The following TPST1 variants were observed in gnomAD, a reference collection of about 807,000 sequenced individuals.
TPST1 encodes tyrosylprotein sulfotransferase 1, also known as protein-tyrosine sulfotransferase 1.
In TPST1, 20 loss-of-function variants were observed where a neutral mutation model predicts 34.8. The observed-to-expected ratio is 0.57, with a 90% CI of 0.40 to 0.84. The LOEUF is 0.84. Ranked by LOEUF, TPST1 falls within the 40% of genes least tolerant of loss-of-function variation. The probability of loss-of-function intolerance (pLI) is 0.00; values close to 1 mark genes in which losing one functional copy is unlikely to be tolerated. For missense variants in TPST1, 353 were observed against 455.5 expected, an observed-to-expected ratio of 0.78 and a Z score of 2.05; for synonymous variants, 152 against 159.4, an observed-to-expected ratio of 0.95 and a Z score of 0.35.
rs898287487 is a variant in TPST1 at position 66,332,099 on chromosome 7, G to A, written c.1045-20406G>A. On this transcript the variant is annotated intron_variant, in intron 3 of 5. Coordinates refer to ENST00000304842, the MANE Select transcript of TPST1 (RefSeq NM_003596.4). This position sits in a 1 kb window ranked among gnomAD's most constrained non-coding sequence, Gnocchi z 4.5. ...AACAGAAATAAAGTGCACAGTAAACGTAATGTGCTTGAATCATCCGGAAAC... is the reference window on the plus strand; with the variant it reads ...AACAGAAATAAAGTGCACAGTAAACATAATGTGCTTGAATCATCCGGAAAC... Among the ~76,000 whole-genome samples the A allele has an allele frequency of 1.3e-5, 2 of 152,074 alleles. No homozygotes were observed. The highest frequency in any genetic ancestry group is 2.9e-5 in the Non-Finnish European group (2 of 68,028).
intron 2 of TPST1, among the ~76,000 whole-genome samples, chr7:66,278,705 C>G (rs1011727556): frequency 1.3e-5 from 2 of 151,806 alleles, no homozygotes; most frequent in Non-Finnish European, 2.9e-5. Flanking sequence ...ATGGCGTGAA[C>G]CTGGGAGGCG....
At chr7:66,259,903 T>C (rs1336659521) in intron 2 of TPST1, among the ~76,000 whole-genome samples, 2 of 152,194 alleles carry the variant, frequency 1.3e-5, no homozygotes, top group Non-Finnish European at 2.9e-5. Context: ...ATCCTCCGTG[T>C]TCCCCCTATT....
At chr7:66,324,199 G>A (rs559900128) in intron 3 of TPST1, among the ~76,000 whole-genome samples, 1 of 152,258 alleles carries the variant, frequency 6.6e-6, no homozygotes, top group African/African-American at 2.4e-5. Flanking sequence ...CATAGAATAG[G>A]TCAATTCATA....
At chr7:66,292,903 A>G (rs1791114599) in intron 3 of TPST1, among the ~76,000 whole-genome samples, 1 of 152,050 alleles carries the variant, frequency 6.6e-6, no homozygotes, top group South Asian at 2.1e-4. Context: ...AATATTTTGA[A>G]TTAGAAAAAT....
intron 3 of TPST1, among the ~76,000 whole-genome samples, chr7:66,344,582 T>C (rs1286350441): frequency 6.6e-6 from 1 of 151,882 alleles, no homozygotes; most frequent in Non-Finnish European, 1.5e-5. Context: ...CTGGCTAATT[T>C]TTGTAATTTT....
chr7:66,269,124 G>A (rs746131108), intron 2 of TPST1, among the ~76,000 whole-genome samples: 16 of 152,136 alleles, frequency 1.1e-4, no homozygotes, highest in Non-Finnish European at 1.5e-5. Context: ...GAGATTAAAC[G>A]GTGATTAAGA....
At chr7:66,246,147 G>A (rs1399616678) in intron 2 of TPST1, among the ~76,000 whole-genome samples, 2 of 149,658 alleles carry the variant, frequency 1.3e-5, no homozygotes, top group African/African-American at 4.9e-5. Flanking sequence ...TTAGTAGCTG[G>A]GATTACAGGT....
Position 66,344,604 on chromosome 7 carries a change from G to A in TPST1, c.1045-7901G>A, listed in dbSNP as rs539947463. ...ATTTTTGTAATTTTAGTGGAGATGG[G>A]GTTTCACCATCTTGGCCAAGCTGGT... is the stretch of plus-strand genomic sequence containing the variant. On this transcript the variant is annotated intron_variant, in intron 3 of 5. Transcript: ENST00000304842. Among the ~76,000 whole-genome samples, 8 of 151,576 alleles carry A rather than the reference G, an allele frequency of 5.3e-5. No individual in the cohort carries two copies. In the South Asian group the frequency reaches 1.5e-3, roughly 28 times the overall value.
rs1244129300 is a variant in TPST1 at position 66,241,221 on chromosome 7, T to A, written c.796T>A (p.Leu266Met). The change falls in exon 2 of 6, where the codon TTG (leucine) becomes ATG (methionine). Residue 266 changes from leucine to methionine, a missense_variant. Leu to Met is a conservative substitution (Grantham distance 15). Coordinates refer to ENST00000304842, the MANE Select transcript of TPST1 (RefSeq NM_003596.4). ...FLQIPWNHSVLHHEEMIGKAG... is the reference protein window; with the variant it reads ...FLQIPWNHSVMHHEEMIGKAG... ...CCAGATTCCATGGAACCACTCAGTA[T>A]TGCACCATGAAGAGATGATTGGGAA... is the stretch of plus-strand genomic sequence containing the variant. 1 of 1,613,974 alleles carries A rather than the reference T, an allele frequency of 6.2e-7. No individual in the cohort carries two copies.
At position 66,253,588 on chromosome 7, in the gene TPST1, GTC is replaced by G. The variant is rs369360604; in HGVS notation, c.845+12327_845+12328del. On this transcript the variant is annotated intron_variant, in intron 2 of 5. Transcript: ENST00000304842. ...GGATTTCACCGTGTTAACCAGGATG[GTC>G]TCTCTCTCCTGACCTTGTGATCCGC... Among the ~76,000 whole-genome samples the G allele has an allele frequency of 3.0e-3, 461 of 151,450 alleles. 2 individuals are homozygous for G. Among genetic ancestry groups the G allele is most frequent in the African/African-American group, 0.01 (430 of 41,292 alleles).
chr7:66,248,502 T>TG (rs1163245044), intron 2 of TPST1, among the ~76,000 whole-genome samples: 9 of 107,578 alleles, frequency 8.4e-5, no homozygotes, highest in African/African-American at 2.9e-4. Context: ...AAACATTTAG[T>TG]GTTTTTTTTT....
chr7:66,318,449 T>C (rs1192712419), intron 3 of TPST1, among the ~76,000 whole-genome samples: 1 of 152,028 alleles, frequency 6.6e-6, no homozygotes, highest in African/African-American at 2.4e-5. Flanking sequence ...TCCTTTTTTT[T>C]CCCCCAAGTA....
intron 3 of TPST1, among the ~76,000 whole-genome samples, chr7:66,343,124 A>G (rs370824082): frequency 6.9e-4 from 105 of 152,168 alleles, no homozygotes; most frequent in Non-Finnish European, 1.9e-4. Flanking sequence ...CACCACACCA[A>G]TCAGTCTCCT....
At chr7:66,211,396 G>T (rs1192772640) in intron 1 of TPST1, among the ~76,000 whole-genome samples, 2 of 152,262 alleles carry the variant, frequency 1.3e-5, no homozygotes, top group East Asian at 3.9e-4. Context: ...CTCCCAAAGT[G>T]CTGGGATTAC....
chr7:66,283,805 C>T (rs547614450), intron 2 of TPST1, among the ~76,000 whole-genome samples: 27 of 152,236 alleles, frequency 1.8e-4, no homozygotes, highest in African/African-American at 6.0e-4. Context: ...TGTCTCTAAC[C>T]TCTGTCATTT....
At chr7:66,351,807 G>A (rs1792485031) in intron 3 of TPST1, among the ~76,000 whole-genome samples, 1 of 151,836 alleles carries the variant, frequency 6.6e-6, no homozygotes, top group African/African-American at 2.4e-5. Flanking sequence ...TCTCAATAGT[G>A]TTTTATAGTT....
intron 3 of TPST1, among the ~76,000 whole-genome samples, chr7:66,311,103 T>A (rs879856356): frequency 1.6e-4 from 24 of 152,254 alleles, no homozygotes; most frequent in South Asian, 1.2e-3. Flanking sequence ...TGGCAGGATT[T>A]TTTTTTTCCC....
upstream of TPST1, among the ~76,000 whole-genome samples, chr7:66,202,999 T>C (rs13309935): frequency 0.65 from 98,039 of 151,894 alleles, 32,082 homozygotes; most frequent in African/African-American, 0.74. Flanking sequence ...TCACTTGAAC[T>C]CGGGAGGCGG....
chr7:66,279,127 T>C (rs1053047597), intron 2 of TPST1, among the ~76,000 whole-genome samples: 1 of 152,190 alleles, frequency 6.6e-6, no homozygotes, highest in African/African-American at 2.4e-5. Flanking sequence ...GTTGTTCCCC[T>C]TTGTATCTAT....
Sources: allele counts gnomAD v4.1 joint callset (sites outside exome capture counted in the v4.1 genomes callset), GRCh38; gene constraint gnomAD v4.1.1; non-coding constraint Gnocchi (gnomAD v3.1); transcripts MANE v1.5; gene names NCBI Gene and HGNC (gene_info 2026-07-23, HGNC 2026-07-21).